C2orf66: variants seen among roughly 807,000 people sequenced by gnomAD.
The protein encoded by C2orf66 is uncharacterized protein C2orf66.
C2orf66 carries 6 observed loss-of-function variants against 7.0 expected under a neutral mutation model. The observed-to-expected ratio is 0.86, with a 90% confidence interval of 0.47 to 1.69. The LOEUF (loss-of-function observed/expected upper bound fraction) is 1.69. C2orf66 is among the 40% of genes most tolerant of loss of function. The probability of loss-of-function intolerance (pLI) is 0.01; values close to 1 mark genes in which losing one functional copy is unlikely to be tolerated. For missense variants in C2orf66, 107 were observed against 112.0 expected (o/e 0.96, Z 0.20); for synonymous variants, 38 against 43.8 (o/e 0.87, Z 0.52).
chr2:196,827,003 C>G, the C2orf66 span, among the ~76,000 whole-genome samples: 4 of 151,874 alleles, frequency 2.6e-5, no homozygotes, highest in African/African-American at 7.3e-5. Context: ...TGCACTCTAG[C>G]CTTGACGACA....
At chr2:196,809,193 A>G (rs751830703) in intron 1 of C2orf66, 21 bp downstream of exon 1, 15 of 1,608,906 alleles carry the variant, frequency 9.3e-6, no homozygotes, top group Non-Finnish European at 1.3e-5. Context: ...CCTGAAACCC[A>G]GGCCCCAAGT....
At chr2:196,828,538 A>G in the C2orf66 span, among the ~76,000 whole-genome samples, 1 of 152,168 alleles carries the variant, frequency 6.6e-6, no homozygotes, top group Admixed American at 6.5e-5. Flanking sequence ...CTGTGGATGA[A>G]ATTCTGTGAA....
the C2orf66 span, among the ~76,000 whole-genome samples, chr2:196,828,230 T>TCACA: frequency 0.057 from 7,105 of 125,046 alleles, 224 homozygotes; most frequent in Middle Eastern, 0.08. Context: ...TCTCTCTCTC[T>TCACA]CACACACACA....
chr2:196,815,112 A>C, the C2orf66 span, among the ~76,000 whole-genome samples: 1 of 151,884 alleles, frequency 6.6e-6, no homozygotes, highest in Non-Finnish European at 1.5e-5. Flanking sequence ...CTACAGGCAC[A>C]CATCAACATG....
chr2:196,822,689 G>A, the C2orf66 span, among the ~76,000 whole-genome samples: 36 of 152,088 alleles, frequency 2.4e-4, no homozygotes, highest in Middle Eastern at 3.4e-3. Flanking sequence ...AAGTGGAGAC[G>A]GGATGGGGAA....
the C2orf66 span, among the ~76,000 whole-genome samples, chr2:196,818,382 C>T: frequency 6.6e-6 from 1 of 152,212 alleles, no homozygotes; most frequent in African/African-American, 2.4e-5. Flanking sequence ...CTGCTGCTTC[C>T]ATCAGGTGTT....
the C2orf66 span, among the ~76,000 whole-genome samples, chr2:196,828,230 T>TCTCACACA: frequency 3.6e-4 from 45 of 125,150 alleles, 1 homozygote; most frequent in African/African-American, 8.0e-4. Context: ...TCTCTCTCTC[T>TCTCACACA]CACACACACA....
upstream of C2orf66, among the ~76,000 whole-genome samples, chr2:196,814,090 A>G (rs1699901386): frequency 1.3e-5 from 2 of 152,258 alleles, no homozygotes; most frequent in South Asian, 4.1e-4. Flanking sequence ...CCAAAGGATT[A>G]CAAATCATGC....
Position 196,807,529 on chromosome 2 carries a change from G to A in C2orf66, c.217C>T (p.Leu73Phe), listed in dbSNP as rs201472150. Residue 73 changes from leucine (L) to phenylalanine (F), a missense_variant, in exon 2 of 3, where the codon CTC becomes TTC. Coordinates refer to ENST00000342506, the MANE Select transcript of C2orf66 (RefSeq NM_213608.3). ...GCAGTAAGTTCTGACTGGAAAGAGA[G>A]AGGTCTAGGATTTTCATTCGTGGGG... ...PFPTNENPRPLSFQSELTASA... is the reference protein window; with the variant it reads ...PFPTNENPRPFSFQSELTASA... 1 of 1,613,712 alleles carries A rather than the reference G, an allele frequency of 6.2e-7. No individual in the cohort carries two copies. Among genetic ancestry groups the A allele is most frequent in the Non-Finnish European group, 8.5e-7 (1 of 1,179,670 alleles).
upstream of C2orf66, among the ~76,000 whole-genome samples, chr2:196,810,466 C>A (rs550273050): frequency 6.6e-6 from 1 of 152,266 alleles, no homozygotes; most frequent in South Asian, 2.1e-4. Flanking sequence ...ATCATAATAT[C>A]TCTTCAAAAT....
upstream of C2orf66, among the ~76,000 whole-genome samples, chr2:196,811,191 G>A (rs1422062592): frequency 6.6e-6 from 1 of 152,228 alleles, no homozygotes; most frequent in East Asian, 1.9e-4. Flanking sequence ...TGGGATGCCT[G>A]ACGCAAGATG....
rs367729749 is a variant in C2orf66, at chr2:196,807,417, C to A, written c.*19+7G>T. 51 of 1,583,268 alleles carry A rather than the reference C, an allele frequency of 3.2e-5. No individual in the cohort carries two copies. The highest frequency in any genetic ancestry group is 4.1e-5 in the Non-Finnish European group (48 of 1,164,122). ...GGACAGATCCAGAATAAAGGGCCAA[C>A]TTTTACCTGAGCTCAGAAGAAACTT... is the stretch of plus-strand genomic sequence containing the variant. On this transcript the variant is annotated splice_region_variant and intron_variant, in intron 2 of 2. Coordinates refer to ENST00000342506, the MANE Select transcript of C2orf66 (RefSeq NM_213608.3).
the C2orf66 span, among the ~76,000 whole-genome samples, chr2:196,822,094 T>C: frequency 1.3e-5 from 2 of 151,984 alleles, no homozygotes; most frequent in Admixed American, 6.6e-5. Context: ...TTTGTATTTT[T>C]AGTAGAGATG....
chr2:196,827,757 T>C, the C2orf66 span, among the ~76,000 whole-genome samples: 1 of 152,226 alleles, frequency 6.6e-6, no homozygotes, highest in African/African-American at 2.4e-5. Flanking sequence ...GTGCAAAATA[T>C]TAAATGTAAA....
chr2:196,830,813 T>C, the C2orf66 span, among the ~76,000 whole-genome samples: 2 of 152,156 alleles, frequency 1.3e-5, no homozygotes, highest in Admixed American at 6.5e-5. Flanking sequence ...TGCCCCTTGA[T>C]CTTCCTGTCC....
the C2orf66 span, among the ~76,000 whole-genome samples, chr2:196,821,499 G>A: frequency 6.6e-6 from 1 of 152,196 alleles, no homozygotes; most frequent in East Asian, 1.9e-4. Flanking sequence ...GAGGAAGGCT[G>A]AGCTTCTTCT....
chr2:196,825,893 C>T, the C2orf66 span, among the ~76,000 whole-genome samples: 1 of 152,142 alleles, frequency 6.6e-6, no homozygotes, highest in Non-Finnish European at 1.5e-5. Context: ...GACAGGGCCC[C>T]TAATTTGTAC....
At position 196,807,636 on chromosome 2, in the gene C2orf66, G is replaced by A. The variant is rs771915977; in HGVS notation, c.124-14C>T. The A allele has an allele frequency of 2.5e-6, 4 of 1,595,978 alleles. No individual in the cohort carries two copies. Among genetic ancestry groups the A allele is most frequent in the Non-Finnish European group, 3.4e-6 (4 of 1,173,112 alleles). Reference sequence around the variant, plus strand: ...CCTTCTGAAAAACTAAAGAGAGAAAGAAAATGGTCAATGCCAGATATAAAT... The same window carrying A: ...CCTTCTGAAAAACTAAAGAGAGAAAAAAAATGGTCAATGCCAGATATAAAT... On this transcript the variant is annotated splice_polypyrimidine_tract_variant and intron_variant, in intron 1 of 2. Transcript: ENST00000342506.
the C2orf66 span, among the ~76,000 whole-genome samples, chr2:196,817,374 A>G: frequency 6.6e-6 from 1 of 151,244 alleles, no homozygotes; most frequent in Non-Finnish European, 1.5e-5. Context: ...AGCTGGGACC[A>G]CAGGCGCCTG....
Sources: gnomAD v4.1 joint callset for allele counts (sites outside exome capture counted in the v4.1 genomes callset) on GRCh38, gnomAD v4.1.1 for gene constraint, MANE v1.5 for transcripts, NCBI Gene and HGNC (gene_info 2026-07-23, HGNC 2026-07-21) for gene names.